Variants in ELP3 observed in about 807,000 individuals in gnomAD.
ELP3 encodes the protein elongator complex protein 3.
Under a neutral mutation model 74.9 loss-of-function variants are expected in ELP3, and 56 were observed. That is an observed-to-expected ratio of 0.75 (90% CI 0.60 to 0.93). ELP3 has a LOEUF of 0.93. ELP3 is among the 40% of genes least tolerant of loss of function. The pLI is 0.00. For synonymous variants in ELP3, 222 were observed against 239.8 expected (o/e 0.93, Z 0.68); for missense variants, 573 against 686.5 (o/e 0.83, Z 1.85).
At chr8:28,160,536 G>A (rs1356242227) in intron 13 of ELP3, 80 bp downstream of exon 13, 36 of 1,271,222 alleles carry the variant, frequency 2.8e-5, no homozygotes, top group Non-Finnish European at 1.8e-5. Flanking sequence ...GTGAAGAGAA[G>A]AGGAAGAGGC....
chr8:28,138,582 A>G (rs1177000579), intron 10 of ELP3, among the ~76,000 whole-genome samples: 2 of 152,232 alleles, frequency 1.3e-5, no homozygotes, highest in Non-Finnish European at 2.9e-5. Context: ...AAAACTACCC[A>G]GGTTCCAATA....
At chr8:28,106,464 C>G (rs564977681) in intron 3 of ELP3, among the ~76,000 whole-genome samples, 1 of 145,842 alleles carries the variant, frequency 6.9e-6, no homozygotes, top group African/African-American at 2.5e-5. Context: ...GGCGTGAACC[C>G]GGGAGGCGGA....
intron 5 of ELP3, among the ~76,000 whole-genome samples, chr8:28,109,210 A>G (rs1378426750): frequency 6.6e-6 from 1 of 152,162 alleles, no homozygotes; most frequent in Non-Finnish European, 1.5e-5. Flanking sequence ...GGCCATGTAG[A>G]GAAAGGGTTA....
At chr8:28,090,478 G>GTGTGTGTGT (rs1554492409), upstream of ELP3, 2 of 227,230 alleles carry the variant, frequency 8.8e-6, no homozygotes, top group Non-Finnish European at 8.4e-6. Flanking sequence ...TAGTCTGATG[G>GTGTGTGTGT]GTGGGTGTGT....
intron 9 of ELP3, among the ~76,000 whole-genome samples, chr8:28,132,662 A>T (rs1159792303): frequency 1.3e-5 from 2 of 152,208 alleles, no homozygotes; most frequent in Non-Finnish European, 2.9e-5. Context: ...TGCAAATATA[A>T]CACAGACATA....
At chr8:28,098,697 G>T (rs1422643842) in intron 2 of ELP3, among the ~76,000 whole-genome samples, 1 of 152,194 alleles carries the variant, frequency 6.6e-6, no homozygotes, top group African/African-American at 2.4e-5. Context: ...TTAAACCTCT[G>T]TACCTTTACA....
intron 14 of ELP3, among the ~76,000 whole-genome samples, chr8:28,175,563 A>C (rs2130592428): frequency 6.6e-6 from 1 of 152,254 alleles, no homozygotes; most frequent in East Asian, 1.9e-4. Context: ...CTCCTTAGGC[A>C]TATTTAATAC....
At chr8:28,140,333 G>A (rs1404113255) in intron 10 of ELP3, among the ~76,000 whole-genome samples, 1 of 152,092 alleles carries the variant, frequency 6.6e-6, no homozygotes, top group Non-Finnish European at 1.5e-5. Flanking sequence ...GACAATTTGA[G>A]CATCAAAATA....
chr8:28,135,220 G>T (rs749052120), intron 9 of ELP3, among the ~76,000 whole-genome samples: 2 of 152,194 alleles, frequency 1.3e-5, no homozygotes, highest in East Asian at 1.9e-4. Flanking sequence ...GAGCCACTGC[G>T]CCTGGCCTAA....
At chr8:28,174,404 T>C (rs1407152365) in intron 14 of ELP3, among the ~76,000 whole-genome samples, 1 of 152,116 alleles carries the variant, frequency 6.6e-6, no homozygotes, top group Admixed American at 6.5e-5. Flanking sequence ...GATAATATAA[T>C]CACTCTATGA....
chr8:28,167,784 C>G (rs1814365759), intron 14 of ELP3, among the ~76,000 whole-genome samples: 1 of 152,212 alleles, frequency 6.6e-6, no homozygotes, highest in African/African-American at 2.4e-5. Flanking sequence ...GTATATTCCT[C>G]TGTTCCATTT....
chr8:28,189,373 C>T (rs1038613031), intron 14 of ELP3, among the ~76,000 whole-genome samples: 2 of 152,242 alleles, frequency 1.3e-5, no homozygotes, highest in African/African-American at 4.8e-5. Flanking sequence ...CACACGGGTG[C>T]ACACGTTTGC....
In ELP3 at chr8:28,111,208, T is replaced by C. The variant is rs367888015; in HGVS notation, c.462+770T>C. Among the ~76,000 whole-genome samples, 42 of 152,322 alleles carry C rather than the reference T, an allele frequency of 2.8e-4. 1 individual carries two copies. In the South Asian group the frequency reaches 7.9e-3, roughly 29 times the overall value. ...GGTGGTGGTTACATAACTCTAAATA[T>C]CTATCAGCTCTCATCCATTGTACAC... On this transcript the variant is annotated intron_variant, in intron 6 of 14. Coordinates refer to ENST00000256398, the MANE Select transcript of ELP3 (RefSeq NM_018091.6).
intron 13 of ELP3, 69 bp downstream of exon 13, chr8:28,160,525 G>C: frequency 7.2e-7 from 1 of 1,387,310 alleles, no homozygotes; most frequent in Non-Finnish European, 9.9e-7. Flanking sequence ...AAAGGAATGG[G>C]GTGAAGAGAA....
At chr8:28,143,025 A>G (rs1434658905) in intron 10 of ELP3, among the ~76,000 whole-genome samples, 1 of 152,170 alleles carries the variant, frequency 6.6e-6, no homozygotes, top group Non-Finnish European at 1.5e-5. Flanking sequence ...ACTCATTCAT[A>G]TTTATTATAT....
intron 14 of ELP3, among the ~76,000 whole-genome samples, chr8:28,186,597 G>A (rs1815250300): frequency 6.6e-6 from 1 of 152,162 alleles, no homozygotes; most frequent in Non-Finnish European, 1.5e-5. Flanking sequence ...TTACAGTTTT[G>A]GAGGCTGAAA....
intron 14 of ELP3, among the ~76,000 whole-genome samples, chr8:28,182,913 C>T (rs1028460988): frequency 6.6e-6 from 1 of 152,282 alleles, no homozygotes; most frequent in Non-Finnish European, 1.5e-5. Context: ...GGGTCTCCTC[C>T]GGGTTGGAGA....
intron 10 of ELP3, among the ~76,000 whole-genome samples, chr8:28,138,242 C>T (rs1311571937): frequency 1.3e-5 from 2 of 151,970 alleles, no homozygotes; most frequent in African/African-American, 2.4e-5. Flanking sequence ...GAAGTGTGGC[C>T]GTGTGTGCAA....
intron 10 of ELP3, among the ~76,000 whole-genome samples, chr8:28,154,192 A>C (rs147121819): frequency 4.4e-4 from 67 of 152,306 alleles, no homozygotes; most frequent in African/African-American, 1.6e-3. Context: ...TGAATCAGCT[A>C]TATGTTAAAT....
Sources: allele counts gnomAD v4.1 joint callset (sites outside exome capture counted in the v4.1 genomes callset), GRCh38; gene constraint gnomAD v4.1.1; transcripts MANE v1.5; gene names NCBI Gene and HGNC (gene_info 2026-07-23, HGNC 2026-07-21).